ZNF618: variants seen among roughly 807,000 people sequenced by gnomAD.
The protein encoded by ZNF618 is zinc finger protein 618, also known as neural precursor cell expressed, developmentally down-regulated 10.
In ZNF618, 34 loss-of-function variants were observed where a neutral mutation model predicts 103.0. That is an observed-to-expected ratio of 0.33 (90% CI 0.25 to 0.44). The LOEUF (loss-of-function observed/expected upper bound fraction) is 0.44, where lower values mean the gene tolerates loss of function less well. Ranked by LOEUF, ZNF618 falls within the 20% of genes least tolerant of loss-of-function variation. The pLI, the probability that ZNF618 is intolerant of heterozygous loss-of-function variation, is 1.00. For synonymous variants in ZNF618, 551 were observed against 542.2 expected, an observed-to-expected ratio of 1.02 and a Z score of -0.23; for missense variants, 1,059 against 1,295.4, an observed-to-expected ratio of 0.82 and a Z score of 2.80.
intron 2 of ZNF618, among the ~76,000 whole-genome samples, chr9:113,983,795 C>T (rs548460197): frequency 6.6e-6 from 1 of 152,188 alleles, no homozygotes; most frequent in Non-Finnish European, 1.5e-5. Flanking sequence ...GCTACACGTC[C>T]TGTGCCTTTG....
chr9:113,886,485 G>A (rs1448826382), intron 1 of ZNF618, among the ~76,000 whole-genome samples: 2 of 151,970 alleles, frequency 1.3e-5, no homozygotes, highest in African/African-American at 4.8e-5. Flanking sequence ...GGATGTTGGG[G>A]AATTTTTTTT....
Position 113,920,531 on chromosome 9 carries a change from A to C in ZNF618, c.33+44118A>C, listed in dbSNP as rs551696582. On this transcript the variant is annotated intron_variant, in intron 1 of 14. Coordinates refer to ENST00000374126, the MANE Select transcript of ZNF618 (RefSeq NM_001318042.2). ...ATTGTCCTGCCTCGGCCTCCCACGT[A>C]GCTGGGATTACAGGCGCCCGCCACC... Among the ~76,000 whole-genome samples, 103 of 151,576 alleles carry C rather than the reference A, an allele frequency of 6.8e-4. 1 individual carries two copies. The South Asian group carries it at 0.017, about 25-fold the overall frequency.
At chr9:113,897,933 C>CA (rs2131171128) in intron 1 of ZNF618, among the ~76,000 whole-genome samples, 1 of 152,282 alleles carries the variant, frequency 6.6e-6, no homozygotes, top group African/African-American at 2.4e-5. Context: ...GCTGGGATTA[C>CA]AGGTGCCCAC....
intron 1 of ZNF618, among the ~76,000 whole-genome samples, chr9:113,876,648 C>T (rs995251221): frequency 5.9e-5 from 9 of 151,944 alleles, no homozygotes; most frequent in Non-Finnish European, 1.3e-4. Flanking sequence ...CACCCAGCGC[C>T]CCCTCCGGCC....
At chr9:113,893,762 A>G (rs1157386000) in intron 1 of ZNF618, among the ~76,000 whole-genome samples, 1 of 152,186 alleles carries the variant, frequency 6.6e-6, no homozygotes, top group African/African-American at 2.4e-5. Context: ...TCTTCTATAT[A>G]TAAAAATATT....
At chr9:113,998,398 G>C in intron 4 of ZNF618, 44 bp downstream of exon 4, 1 of 1,508,508 alleles carries the variant, frequency 6.6e-7, no homozygotes, top group Non-Finnish European at 9.0e-7. Flanking sequence ...GGGCCAGTAT[G>C]GGTGGGGGCA....
At chr9:113,969,282 C>T (rs1837729144) in intron 2 of ZNF618, 122 bp downstream of exon 2, 1 of 1,243,988 alleles carries the variant, frequency 8.0e-7, no homozygotes, top group Admixed American at 1.8e-5. Flanking sequence ...GCCAGCCCTC[C>T]TTGGCAAGAA....
chr9:113,932,557 A>T (rs940021105), intron 1 of ZNF618, among the ~76,000 whole-genome samples: 4 of 152,154 alleles, frequency 2.6e-5, no homozygotes, highest in Non-Finnish European at 5.9e-5. Context: ...TTTGGAAGAG[A>T]GGACAGTAGA....
intron 10 of ZNF618, among the ~76,000 whole-genome samples, chr9:114,019,006 C>T (rs975834719): frequency 6.6e-6 from 1 of 152,158 alleles, no homozygotes; most frequent in Non-Finnish European, 1.5e-5. Flanking sequence ...CAGGTGGTAT[C>T]CATGGCTGGG....
At chr9:113,913,377 A>G (rs191693630) in intron 1 of ZNF618, among the ~76,000 whole-genome samples, 2 of 152,380 alleles carry the variant, frequency 1.3e-5, no homozygotes, top group Admixed American at 6.5e-5. Context: ...TAGATTTAAC[A>G]TAAAGCTACA....
intron 1 of ZNF618, among the ~76,000 whole-genome samples, chr9:113,912,879 G>A (rs971658645): frequency 5.9e-5 from 9 of 152,112 alleles, no homozygotes; most frequent in Non-Finnish European, 1.3e-4. Flanking sequence ...CAACAGTTAC[G>A]AGGATTTTCT....
intron 1 of ZNF618, among the ~76,000 whole-genome samples, chr9:113,894,819 T>C (rs7855811): frequency 0.61 from 92,986 of 152,028 alleles, 28,676 homozygotes; most frequent in Admixed American, 0.68. Context: ...TAGTGGATAA[T>C]TTATTGTATT....
Position 113,876,316 on chromosome 9 carries a change from G to A in ZNF618, c.-65G>A, listed in dbSNP as rs1484776738. The A allele has an allele frequency of 2.8e-6, 3 of 1,088,662 alleles. No individual in the cohort carries two copies. Among genetic ancestry groups the A allele is most frequent in the Middle Eastern group, 3.9e-4 (1 of 2,534 alleles). The allele number at this position is 1,088,662 out of a possible 1,614,324, so 67.4% of individuals were successfully genotyped here. On this transcript the variant is annotated 5_prime_UTR_variant, in exon 1 of 15. Coordinates refer to ENST00000374126, the MANE Select transcript of ZNF618 (RefSeq NM_001318042.2). ...GGCGGCGGCGGCGGCGGCATTGTGC[G>A]CGCACCAGCAGCCCGGCCCGGGAGG...
intron 6 of ZNF618, among the ~76,000 whole-genome samples, chr9:114,003,997 T>A (rs4979320): frequency 2.3e-4 from 35 of 151,944 alleles, no homozygotes; most frequent in African/African-American, 8.2e-4. Context: ...AGACTGTTGC[T>A]TGCCAATCCC....
chr9:113,993,922 G>A (rs1430112273), intron 3 of ZNF618, among the ~76,000 whole-genome samples: 4 of 152,202 alleles, frequency 2.6e-5, no homozygotes, highest in African/African-American at 7.2e-5. Flanking sequence ...GAAGGACTTC[G>A]TGTGATCATG....
At chr9:113,969,971 C>T (rs1275766124) in intron 2 of ZNF618, among the ~76,000 whole-genome samples, 3 of 152,046 alleles carry the variant, frequency 2.0e-5, no homozygotes, top group African/African-American at 7.2e-5. Context: ...TTGTGAATGC[C>T]AAGCAGAAGA....
chr9:114,018,821 G>A (rs1018336738), intron 10 of ZNF618, among the ~76,000 whole-genome samples: 3 of 152,058 alleles, frequency 2.0e-5, no homozygotes, highest in Non-Finnish European at 2.9e-5. Flanking sequence ...TGAAGTCTGG[G>A]GACTCAGGGA....
chr9:114,052,555 G>A lies in ZNF618; in HGVS notation c.*2388G>A, dbSNP rs1846201447. On this transcript the variant is annotated 3_prime_UTR_variant, in exon 15 of 15. Coordinates refer to ENST00000374126, the MANE Select transcript of ZNF618 (RefSeq NM_001318042.2). ...GGCCTTTGGAGGCATTCTGGAAGGT[G>A]GCCTCAGCATCACTGATGATTGACA... 6.6e-6 allele frequency: 1 copy of A among 152,230 alleles called. No individual in the cohort carries two copies. Among genetic ancestry groups the A allele is most frequent in the Non-Finnish European group, 1.5e-5 (1 of 68,056 alleles). 9.4% of individuals were successfully genotyped at this position (152,230 alleles called of 1,614,324 possible).
In ZNF618 at chr9:114,028,813, C is replaced by T. The variant is rs775760238; in HGVS notation, c.925C>T (p.Arg309Cys). 2.9e-4 allele frequency: 455 copies of T among 1,550,480 alleles called. No homozygotes were observed. The highest frequency in any genetic ancestry group is 4.4e-4 in the East Asian group (18 of 40,928). Residue 309 changes from arginine to cysteine, a missense_variant, in exon 11 of 15, where the codon CGC becomes TGC. By Grantham distance (180) the Arg-to-Cys change is radical. Coordinates refer to ENST00000374126, the MANE Select transcript of ZNF618 (RefSeq NM_001318042.2). Reference sequence around the variant, plus strand: ...ACATCCAGAGGTCTCCCCATCTCCACGCTTCGTGGCAGCGAAGACCCAGAC... The same window carrying T: ...ACATCCAGAGGTCTCCCCATCTCCATGCTTCGTGGCAGCGAAGACCCAGAC... Reference protein sequence around the residue: ...CSHPEVSPSPRFVAAKTQTNQ... With the variant: ...CSHPEVSPSPCFVAAKTQTNQ...
Sources: allele counts gnomAD v4.1 joint callset (sites outside exome capture counted in the v4.1 genomes callset), GRCh38; gene constraint gnomAD v4.1.1; transcripts MANE v1.5; gene names NCBI Gene and HGNC (gene_info 2026-07-23, HGNC 2026-07-21).